Variants in TTC28 observed in about 807,000 individuals in gnomAD.
TTC28 encodes the protein tetratricopeptide repeat protein 28.
TTC28 carries 61 observed loss-of-function variants against 198.0 expected under a neutral mutation model. That is an observed-to-expected ratio of 0.31 (90% CI 0.25 to 0.38). TTC28 has a LOEUF of 0.38. Among genes scored for constraint, TTC28 ranks in the 10% least tolerant of loss-of-function variants. The pLI, the probability that TTC28 is intolerant of heterozygous loss-of-function variation, is 1.00. For synonymous variants in TTC28, 1,171 were observed against 1,297.8 expected, an observed-to-expected ratio of 0.90 and a Z score of 2.10; for missense variants, 2,678 against 3,164.0, an observed-to-expected ratio of 0.85 and a Z score of 3.69.
intron 2 of TTC28, among the ~76,000 whole-genome samples, chr22:28,528,039 C>T (rs758171736): frequency 3.3e-5 from 5 of 152,154 alleles, no homozygotes; most frequent in Non-Finnish European, 5.9e-5. Context: ...ACCTTGATAA[C>T]CTTATCTAAT....
intron 12 of TTC28, among the ~76,000 whole-genome samples, chr22:28,075,106 T>C (rs1260654391): frequency 6.7e-6 from 1 of 149,636 alleles, no homozygotes; most frequent in Non-Finnish European, 1.5e-5. Flanking sequence ...AATAAATAAA[T>C]AATAAAATAA....
intron 12 of TTC28, among the ~76,000 whole-genome samples, chr22:28,064,794 T>C (rs565421370): frequency 2.0e-4 from 30 of 152,244 alleles, no homozygotes; most frequent in Admixed American, 5.9e-4. Flanking sequence ...AGTGAGACTA[T>C]CTTGGAAAAG....
intron 12 of TTC28, among the ~76,000 whole-genome samples, chr22:28,084,827 G>C (rs1037102904): frequency 6.6e-6 from 1 of 152,168 alleles, no homozygotes; most frequent in Non-Finnish European, 1.5e-5. Flanking sequence ...GGACCTGATG[G>C]AGCTGAAAAC....
At chr22:28,362,710 G>A (rs2046177615) in intron 2 of TTC28, among the ~76,000 whole-genome samples, 1 of 152,250 alleles carries the variant, frequency 6.6e-6, no homozygotes, top group Non-Finnish European at 1.5e-5. Flanking sequence ...TGGAGATGGG[G>A]AACTTGTTGG....
intron 2 of TTC28, among the ~76,000 whole-genome samples, chr22:28,431,368 A>C (rs2047426934): frequency 6.6e-6 from 1 of 152,232 alleles, no homozygotes; most frequent in South Asian, 2.1e-4. Flanking sequence ...AAGGAATAAT[A>C]TATATTTTAA....
intron 2 of TTC28, among the ~76,000 whole-genome samples, chr22:28,459,014 G>T (rs2047907830): frequency 6.6e-6 from 1 of 152,010 alleles, no homozygotes; most frequent in Non-Finnish European, 1.5e-5. Flanking sequence ...ATGTCTCCTA[G>T]CTGCAGGGGT....
In TTC28 at chr22:28,543,698, C is replaced by T. The variant is rs189802583; in HGVS notation, c.381+85854G>A. Reference sequence around the variant, plus strand: ...ATTTAAGGAAAAAATAACAATCCTACACAGACATTTTTAGAAAAGGTACTA... The same window carrying T: ...ATTTAAGGAAAAAATAACAATCCTATACAGACATTTTTAGAAAAGGTACTA... On this transcript the variant is annotated intron_variant, in intron 2 of 22. Coordinates refer to ENST00000397906, the MANE Select transcript of TTC28 (RefSeq NM_001145418.2). Among the ~76,000 whole-genome samples the T allele has an allele frequency of 3.3e-5, 5 of 152,248 alleles. No homozygotes were observed. The East Asian group carries it at 9.6e-4, about 29-fold the overall frequency.
intron 2 of TTC28, among the ~76,000 whole-genome samples, chr22:28,386,760 G>C (rs1454092903): frequency 3.3e-5 from 5 of 151,982 alleles, no homozygotes; most frequent in Non-Finnish European, 5.9e-5. Flanking sequence ...TTCTTGCAGT[G>C]TTTCCTTGAG....
chr22:28,019,565 G>T (rs1392345395), intron 13 of TTC28, among the ~76,000 whole-genome samples: 1 of 152,234 alleles, frequency 6.6e-6, no homozygotes, highest in African/African-American at 2.4e-5. Context: ...GCTCACAGCG[G>T]CTAACAGGTG....
chr22:28,624,214 T>C (rs2051042573), intron 2 of TTC28, among the ~76,000 whole-genome samples: 1 of 151,952 alleles, frequency 6.6e-6, no homozygotes, highest in Non-Finnish European at 1.5e-5. Context: ...CTGTCTCTAC[T>C]AAAAATACAA....
At chr22:28,314,947 T>TAGA (rs1270110705) in intron 2 of TTC28, among the ~76,000 whole-genome samples, 1 of 152,190 alleles carries the variant, frequency 6.6e-6, no homozygotes, top group Non-Finnish European at 1.5e-5. Flanking sequence ...GTCTTTTGTA[T>TAGA]AGGTCGCTGG....
intron 2 of TTC28, among the ~76,000 whole-genome samples, chr22:28,450,445 C>T (rs2047762325): frequency 6.6e-6 from 1 of 152,164 alleles, no homozygotes; most frequent in Admixed American, 6.5e-5. Flanking sequence ...TTTCCTGTAC[C>T]TCAATTTCTA....
intron 2 of TTC28, among the ~76,000 whole-genome samples, chr22:28,596,116 T>C (rs1464849111): frequency 6.6e-6 from 1 of 152,164 alleles, no homozygotes; most frequent in African/African-American, 2.4e-5. Flanking sequence ...TAAAGATGGC[T>C]AGGTGGTTAT....
At chr22:28,565,090 G>GGC (rs2049949877) in intron 2 of TTC28, among the ~76,000 whole-genome samples, 1 of 151,568 alleles carries the variant, frequency 6.6e-6, no homozygotes, top group South Asian at 2.1e-4. Context: ...TATTCGATGA[G>GGC]GCTCATTCAC....
chr22:28,199,835 A>G (rs1925768233), intron 5 of TTC28, among the ~76,000 whole-genome samples: 2 of 152,026 alleles, frequency 1.3e-5, no homozygotes, highest in South Asian at 4.1e-4. Context: ...ACTCTGGAGG[A>G]AAAATGGGAG....
chr22:28,182,210 T>A (rs1444538707), intron 5 of TTC28, among the ~76,000 whole-genome samples: 3 of 152,248 alleles, frequency 2.0e-5, no homozygotes, highest in Non-Finnish European at 4.4e-5. Context: ...CACAATTCAC[T>A]ACAGTTTCCT....
At chr22:27,992,522 T>G (rs1937452856) in intron 19 of TTC28, 65 bp downstream of exon 19, 1 of 1,511,508 alleles carries the variant, frequency 6.6e-7, no homozygotes, top group Non-Finnish European at 8.9e-7. Context: ...TAGGGCCAAG[T>G]TGCTCTGCCT....
At chr22:28,280,433 G>A (rs952036561) in intron 5 of TTC28, among the ~76,000 whole-genome samples, 6 of 152,100 alleles carry the variant, frequency 3.9e-5, no homozygotes, top group African/African-American at 1.4e-4. Context: ...CCGCCTCCTG[G>A]GTTCAAGCGA....
In TTC28 at chr22:28,159,574, G is replaced by A. The variant is rs908959123; in HGVS notation, c.1441+3518C>T. Among the ~76,000 whole-genome samples, 42 of 151,310 alleles carry A rather than the reference G, an allele frequency of 2.8e-4. 1 individual carries two copies. The highest frequency in any genetic ancestry group is 2.9e-5 in the Non-Finnish European group (2 of 67,918). On this transcript the variant is annotated intron_variant, in intron 6 of 22. Coordinates refer to ENST00000397906, the MANE Select transcript of TTC28 (RefSeq NM_001145418.2). ...CCCGGGAGGCTAAGGCAGGAAAATC[G>A]CTGGAACCCAGGAGGCAGAGGTTGC...
Sources: gnomAD v4.1 joint callset for allele counts (sites outside exome capture counted in the v4.1 genomes callset) on GRCh38, gnomAD v4.1.1 for gene constraint, MANE v1.5 for transcripts, NCBI Gene and HGNC (gene_info 2026-07-23, HGNC 2026-07-21) for gene names.